The following STK3 variants were observed in gnomAD, a reference collection of about 807,000 sequenced individuals.
The protein encoded by STK3 is serine/threonine-protein kinase 3.
In STK3, 41 loss-of-function variants were observed where a neutral mutation model predicts 58.0. The observed-to-expected ratio is 0.71, with a 90% CI of 0.55 to 0.92. The LOEUF is 0.92. STK3 is among the 40% of genes least tolerant of loss of function. STK3 has a pLI of 0.00. For synonymous variants in STK3, 170 were observed against 191.0 expected (o/e 0.89, Z 0.91); for missense variants, 479 against 602.7 (o/e 0.79, Z 2.15).
chr8:98,855,350 A>C (rs186243556), intron 3 of STK3, among the ~76,000 whole-genome samples: 82 of 152,330 alleles, frequency 5.4e-4, no homozygotes, highest in Admixed American at 1.8e-3. Flanking sequence ...TCTAGAAATA[A>C]ATTTATATAT....
intron 8 of STK3, among the ~76,000 whole-genome samples, chr8:98,579,157 A>G (rs1360065414): frequency 6.6e-6 from 1 of 152,204 alleles, no homozygotes; most frequent in Non-Finnish European, 1.5e-5. Context: ...TTTCAAAAAA[A>G]AAAGTATTAG....
chr8:98,365,460 C>G, the STK3 span, among the ~76,000 whole-genome samples: 1 of 152,216 alleles, frequency 6.6e-6, no homozygotes, highest in South Asian at 2.1e-4. Context: ...GAGAGTGAGA[C>G]AGAGTGACCC....
chr8:98,485,254 T>A (rs968728686), intron 10 of STK3, among the ~76,000 whole-genome samples: 1 of 145,830 alleles, frequency 6.9e-6, no homozygotes, highest in African/African-American at 2.5e-5. Flanking sequence ...AAAAAAAAAA[T>A]GTATTTATAA....
At chr8:98,911,164 G>GT (rs1169518781) in intron 1 of STK3, among the ~76,000 whole-genome samples, 1 of 152,154 alleles carries the variant, frequency 6.6e-6, no homozygotes, top group Admixed American at 6.5e-5. Flanking sequence ...GCAAACTCTA[G>GT]TTCTTTTCAC....
chr8:98,446,662 A>T (rs1818961090), intron 1 of STK3, among the ~76,000 whole-genome samples: 1 of 152,184 alleles, frequency 6.6e-6, no homozygotes, highest in Non-Finnish European at 1.5e-5. Context: ...TGTTGGTGAG[A>T]GTGTAAATTA....
the STK3 span, among the ~76,000 whole-genome samples, chr8:98,349,144 C>T: frequency 8.5e-4 from 129 of 152,288 alleles, 2 homozygotes; most frequent in Middle Eastern, 3.4e-3. Context: ...TATAAGAAGC[C>T]TGTCTGAAAG....
chr8:98,429,765 G>A (rs1174254936), intron 3 of STK3: 19 of 209,850 alleles, frequency 9.1e-5, no homozygotes, highest in Admixed American at 6.5e-4. Flanking sequence ...ATGAGTTGTC[G>A]TGCTCCTGTT....
At chr8:98,782,531 A>G (rs2131535925) in intron 1 of STK3, 1 of 330,864 alleles carries the variant, frequency 3.0e-6, no homozygotes, top group Non-Finnish European at 6.1e-6. Flanking sequence ...CTGCTGGTCT[A>G]AGACCAAGGA....
chr8:98,508,461 A>G (rs1486286854), intron 10 of STK3, among the ~76,000 whole-genome samples: 1 of 152,110 alleles, frequency 6.6e-6, no homozygotes, highest in Non-Finnish European at 1.5e-5. Flanking sequence ...CTAGGACTAG[A>G]AAAAGAAAAG....
intron 3 of STK3, among the ~76,000 whole-genome samples, chr8:98,394,110 T>C (rs1817874190): frequency 6.6e-6 from 1 of 152,088 alleles, no homozygotes; most frequent in South Asian, 2.1e-4. Context: ...GATGTTGCTG[T>C]AGTCTCAGAA....
chr8:98,404,145 T>G (rs1474910193), intron 3 of STK3, among the ~76,000 whole-genome samples: 3 of 152,228 alleles, frequency 2.0e-5, no homozygotes, highest in South Asian at 2.1e-4. Context: ...GAATCTAGTT[T>G]CCTCAAACCC....
intron 3 of STK3, among the ~76,000 whole-genome samples, chr8:98,861,287 TACATGTCATTA>T: frequency 6.6e-6 from 1 of 151,998 alleles, no homozygotes; most frequent in Admixed American, 6.5e-5. Context: ...TGAAACACTT[TACATGTCATTA>T]ACATGTCACG....
chr8:98,654,319 T>C (rs921274121), intron 6 of STK3, among the ~76,000 whole-genome samples: 10 of 152,206 alleles, frequency 6.6e-5, no homozygotes, highest in African/African-American at 1.9e-4. Context: ...AGTTAGGTAT[T>C]GATGGGACGT....
intron 6 of STK3, among the ~76,000 whole-genome samples, chr8:98,680,663 G>A (rs751694762): frequency 1.5e-4 from 23 of 152,138 alleles, no homozygotes; most frequent in Non-Finnish European, 2.5e-4. Flanking sequence ...ATGTAGCAAC[G>A]ATAAAGGCTG....
At chr8:98,918,421 G>C (rs1839425251) in intron 1 of STK3, among the ~76,000 whole-genome samples, 1 of 152,186 alleles carries the variant, frequency 6.6e-6, no homozygotes, top group African/African-American at 2.4e-5. Flanking sequence ...TCTCTGCTGA[G>C]ATCCAGAACT....
intron 3 of STK3, among the ~76,000 whole-genome samples, chr8:98,857,964 G>A (rs1002036077): frequency 3.9e-5 from 6 of 151,976 alleles, no homozygotes; most frequent in Non-Finnish European, 5.9e-5. Context: ...TATTTAACTG[G>A]GTGTTGAAAA....
At chr8:98,739,656 A>T (rs1828999546) in intron 4 of STK3, among the ~76,000 whole-genome samples, 2 of 149,182 alleles carry the variant, frequency 1.3e-5, no homozygotes, top group South Asian at 4.3e-4. Context: ...AAAACAGAGC[A>T]GAAAAACTGG....
intron 1 of STK3, among the ~76,000 whole-genome samples, chr8:98,781,334 GC>G (rs1198285021): frequency 6.6e-6 from 1 of 152,160 alleles, no homozygotes; most frequent in Non-Finnish European, 1.5e-5. Flanking sequence ...GGAGAAGGGA[GC>G]TATGCAGGGA....
At chr8:98,597,698 C>A (rs575587585) in intron 6 of STK3, 15 of 985,292 alleles carry the variant, frequency 1.5e-5, no homozygotes, top group Admixed American at 6.1e-5. Context: ...CTCTATCTAG[C>A]CTGGCTCAAT....
Sources: allele counts gnomAD v4.1 joint callset (sites outside exome capture counted in the v4.1 genomes callset), GRCh38; gene constraint gnomAD v4.1.1; transcripts MANE v1.5; gene names NCBI Gene and HGNC (gene_info 2026-07-23, HGNC 2026-07-21).